The following ABCA12 variants were observed in gnomAD, a reference collection of about 807,000 sequenced individuals.
ABCA12 encodes glucosylceramide transporter ABCA12.
Under a neutral mutation model 293.5 loss-of-function variants are expected in ABCA12, and 156 were observed. The ratio of observed to expected loss-of-function variants is 0.53; its 90% confidence interval spans 0.47 to 0.61. The LOEUF (loss-of-function observed/expected upper bound fraction) is 0.61. Among genes scored for constraint, ABCA12 ranks in the 20% least tolerant of loss-of-function variants. The probability of loss-of-function intolerance (pLI) is 0.00; values close to 1 mark genes in which losing one functional copy is unlikely to be tolerated. For missense variants in ABCA12, 2,797 were observed against 3,090.2 expected (o/e 0.91, Z 2.25); for synonymous variants, 1,063 against 1,108.0 (o/e 0.96, Z 0.81).
intron 1 of ABCA12, among the ~76,000 whole-genome samples, chr2:215,131,663 T>TTCAAAG (rs1319436811): frequency 6.6e-6 from 1 of 151,022 alleles, no homozygotes; most frequent in Non-Finnish European, 1.5e-5. Context: ...TGTTTAGCCT[T>TTCAAAG]TCAAAGGATC....
chr2:215,021,324 C>G (rs13421414), intron 11 of ABCA12, among the ~76,000 whole-genome samples: 151,905 of 152,326 alleles, frequency 1, 75,746 homozygotes, highest in East Asian at 1. Context: ...ACAGGATACT[C>G]GGTGTTTTTG....
Position 214,980,546 on chromosome 2 carries a change from C to T in ABCA12, c.4677G>A (p.Gly1559=), listed in dbSNP as rs775655198. ...AGGCTTCCTTGAGGTAAAATGGGGA[C>T]CCACAGCACCTAAGCCCACCCTGCT... ...FLEQGGLRCC[G]SPFYLKEAFG... is the part of the protein sequence containing the mutation. Residue 1559 remains glycine, a synonymous_variant, in exon 31 of 53, where the codon GGG becomes GGA. Coordinates refer to ENST00000272895, the MANE Select transcript of ABCA12 (RefSeq NM_173076.3). 7 of 1,614,000 alleles carry T rather than the reference C, an allele frequency of 4.3e-6. No homozygotes were observed. The South Asian group carries it at 7.7e-5, about 18-fold the overall frequency.
At chr2:214,963,605 C>CAAAAAAAAAAAA (rs57895778) in intron 39 of ABCA12, among the ~76,000 whole-genome samples, 1 of 70,184 alleles carries the variant, frequency 1.4e-5, no homozygotes, top group African/African-American at 5.7e-5. Context: ...GCAGAGATAC[C>CAAAAAAAAAAAA]AAAAAAAAAA....
intron 47 of ABCA12, chr2:214,947,818 A>C: frequency 2.2e-6 from 1 of 453,764 alleles, no homozygotes; most frequent in Admixed American, 3.4e-5. Flanking sequence ...TGTGTTTACA[A>C]TTGCAGATTG....
chr2:214,936,932 T>C (rs1178446865), intron 51 of ABCA12, among the ~76,000 whole-genome samples: 1 of 127,448 alleles, frequency 7.8e-6, no homozygotes, highest in Non-Finnish European at 1.7e-5. Context: ...ATAAATCCTT[T>C]GTGAGGAAAA....
intron 1 of ABCA12, among the ~76,000 whole-genome samples, chr2:215,124,100 C>A (rs1332120003): frequency 1.3e-5 from 2 of 152,174 alleles, no homozygotes; most frequent in African/African-American, 2.4e-5. Flanking sequence ...GCTGTTAATT[C>A]ATTCCTTTTT....
chr2:214,985,497 C>A (rs1342192412), intron 28 of ABCA12, among the ~76,000 whole-genome samples: 1 of 152,018 alleles, frequency 6.6e-6, no homozygotes, highest in Non-Finnish European at 1.5e-5. Context: ...GTAAAACAAA[C>A]CCTCATGATG....
intron 2 of ABCA12, among the ~76,000 whole-genome samples, chr2:215,100,025 T>G (rs1246291570): frequency 6.6e-6 from 1 of 151,876 alleles, no homozygotes; most frequent in Non-Finnish European, 1.5e-5. Context: ...TCTTTTTTTT[T>G]TTTTAAGAAA....
At chr2:215,069,292 T>C (rs13392798) in intron 2 of ABCA12, among the ~76,000 whole-genome samples, 28,723 of 151,812 alleles carry the variant, frequency 0.19, 2,890 homozygotes, top group East Asian at 0.35. Context: ...GGCCTTCTGA[T>C]CGTGCAAATA....
chr2:214,974,886 A>T (rs1699475682), intron 34 of ABCA12, 22 bp from the exon 35 acceptor site: 1 of 1,599,640 alleles, frequency 6.3e-7, no homozygotes, highest in African/African-American at 1.3e-5. Context: ...AAGGACAGAA[A>T]CAAATTCATG....
intron 11 of ABCA12, among the ~76,000 whole-genome samples, chr2:215,020,273 A>G (rs1192559417): frequency 7.3e-6 from 1 of 136,228 alleles, no homozygotes; most frequent in Non-Finnish European, 1.6e-5. Flanking sequence ...ACCCTTGTGC[A>G]CTGTTGGTGG....
chr2:214,947,274 G>C (rs766207271), intron 48 of ABCA12, 148 bp downstream of exon 48: 5 of 1,058,696 alleles, frequency 4.7e-6, no homozygotes, highest in African/African-American at 1.6e-5. Context: ...TATTGAGATA[G>C]TATACATAAA....
chr2:215,015,751 T>G (rs1412155110), intron 14 of ABCA12, 88 bp from the exon 15 acceptor site: 3 of 1,275,386 alleles, frequency 2.4e-6, no homozygotes, highest in African/African-American at 1.5e-5. Flanking sequence ...TACTCTAAAT[T>G]TTAAACTAAA....
In ABCA12 at chr2:214,970,266, A is replaced by G; in HGVS notation, c.5690+7T>C. ...CAATTAAATATGTTATAAACAGATT[A>G]TTTTACCTTTTTTGGACAAACTCAT... is the stretch of plus-strand genomic sequence containing the variant. On this transcript the variant is annotated splice_region_variant and intron_variant, in intron 37 of 52. Transcript: ENST00000272895. 1 of 1,611,044 alleles carries G rather than the reference A, an allele frequency of 6.2e-7. No homozygotes were observed. Among genetic ancestry groups the G allele is most frequent in the Non-Finnish European group, 8.5e-7 (1 of 1,178,652 alleles).
chr2:214,948,559 G>T, intron 47 of ABCA12, 37 bp downstream of exon 47: 1 of 1,609,308 alleles, frequency 6.2e-7, no homozygotes, highest in Non-Finnish European at 8.5e-7. Context: ...AAACAATAAT[G>T]GTTTCAAATT....
intron 2 of ABCA12, among the ~76,000 whole-genome samples, chr2:215,104,199 G>C (rs1480588091): frequency 6.6e-6 from 1 of 152,042 alleles, no homozygotes; most frequent in Non-Finnish European, 1.5e-5. Context: ...AAGCTTGCAA[G>C]GTAGACTACA....
intron 1 of ABCA12, among the ~76,000 whole-genome samples, chr2:215,120,697 C>T (rs898107663): frequency 1.3e-5 from 2 of 152,094 alleles, no homozygotes; most frequent in South Asian, 2.1e-4. Context: ...GTTATCCAAC[C>T]TCTATTTGAA....
intron 36 of ABCA12, among the ~76,000 whole-genome samples, chr2:214,972,497 C>T (rs866233605): frequency 9.7e-4 from 147 of 151,742 alleles, no homozygotes; most frequent in African/African-American, 3.2e-3. Context: ...GCCTTGACCC[C>T]GTGGGCTCAA....
intron 3 of ABCA12, among the ~76,000 whole-genome samples, chr2:215,063,835 C>A (rs1321471236): frequency 6.6e-6 from 1 of 151,830 alleles, no homozygotes; most frequent in Non-Finnish European, 1.5e-5. Flanking sequence ...CTTTAGTCAC[C>A]CATCTTATAA....
Sources: gnomAD v4.1 joint callset for allele counts (sites outside exome capture counted in the v4.1 genomes callset) on GRCh38, gnomAD v4.1.1 for gene constraint, MANE v1.5 for transcripts, NCBI Gene and HGNC (gene_info 2026-07-23, HGNC 2026-07-21) for gene names.